RAB3GAP2: variants seen among roughly 807,000 people sequenced by gnomAD.
RAB3GAP2 encodes RAB3 GTPase activating non-catalytic protein subunit 2, also known as rab3 GTPase-activating protein non-catalytic subunit.
RAB3GAP2 carries 87 observed loss-of-function variants against 185.3 expected under a neutral mutation model. That is an observed-to-expected ratio of 0.47 (90% CI 0.39 to 0.56). The LOEUF (loss-of-function observed/expected upper bound fraction) is 0.56, where lower values mean the gene tolerates loss of function less well. Ranked by LOEUF, RAB3GAP2 falls within the 20% of genes least tolerant of loss-of-function variation. The probability of loss-of-function intolerance (pLI) is 0.00; values close to 1 mark genes in which losing one functional copy is unlikely to be tolerated. For missense variants in RAB3GAP2, 1,492 were observed against 1,638.2 expected (o/e 0.91, Z 1.54); for synonymous variants, 554 against 576.1 (o/e 0.96, Z 0.55).
intron 31 of RAB3GAP2, among the ~76,000 whole-genome samples, chr1:220,155,709 A>G (rs745792014): frequency 6.6e-6 from 1 of 152,102 alleles, no homozygotes; most frequent in Non-Finnish European, 1.5e-5. Flanking sequence ...CTAGCCACTC[A>G]ACCATACTAG....
chr1:220,174,458 G>C (rs2102860784), intron 21 of RAB3GAP2, among the ~76,000 whole-genome samples: 1 of 152,210 alleles, frequency 6.6e-6, no homozygotes, highest in African/African-American at 2.4e-5. Context: ...TTTGATACAG[G>C]CATGCAACAT....
At position 220,162,622 on chromosome 1, in the gene RAB3GAP2, T is replaced by C. The variant is rs374055868; in HGVS notation, c.3155-354A>G. Among the ~76,000 whole-genome samples the C allele has an allele frequency of 9.9e-5, 15 of 152,276 alleles. No homozygotes were observed. The South Asian group carries it at 2.9e-3, about 29-fold the overall frequency. ...ATAATACCAAGTATTAGTGAGGATATGGAACAAATGGAACACTCATGCATT... is the reference window on the plus strand; with the variant it reads ...ATAATACCAAGTATTAGTGAGGATACGGAACAAATGGAACACTCATGCATT... On this transcript the variant is annotated intron_variant, in intron 27 of 34. Transcript: ENST00000358951.
In RAB3GAP2 at chr1:220,210,806, T is replaced by C. The variant is rs1001066103; in HGVS notation, c.505A>G (p.Thr169Ala). The change falls in exon 6 of 35, where the codon ACT becomes GCT. Residue 169 changes from threonine to alanine, a missense_variant. Coordinates refer to ENST00000358951, the MANE Select transcript of RAB3GAP2 (RefSeq NM_012414.4). ...CTGTTGAAAACTCAACTCACCTCAG[T>C]GTAGAAGCGTACATAACCTGAAGTA... ...GFTSGYVRFY[T>A]ENGVLLLAQL... The C allele has an allele frequency of 1.2e-6, 2 of 1,612,776 alleles. No individual in the cohort carries two copies. The highest frequency in any genetic ancestry group is 1.7e-6 in the Non-Finnish European group (2 of 1,179,350).
intron 27 of RAB3GAP2, 152 bp downstream of exon 27, chr1:220,164,581 C>T (rs1490789358): frequency 1.8e-6 from 2 of 1,094,778 alleles, no homozygotes; most frequent in Non-Finnish European, 2.6e-6. Context: ...CTCAAGAGAC[C>T]CTTGCACCTC....
chr1:220,184,914 G>GA (rs1436429411), intron 18 of RAB3GAP2, among the ~76,000 whole-genome samples: 3 of 151,830 alleles, frequency 2.0e-5, no homozygotes, highest in African/African-American at 7.3e-5. Flanking sequence ...AAAAAAGGTT[G>GA]AAAAAGAGTC....
intron 21 of RAB3GAP2, among the ~76,000 whole-genome samples, chr1:220,179,005 TA>T (rs1658348506): frequency 6.6e-6 from 1 of 152,070 alleles, no homozygotes; most frequent in Admixed American, 6.5e-5. Flanking sequence ...ACTTCACCTA[TA>T]AAGGCTAACA....
intron 21 of RAB3GAP2, among the ~76,000 whole-genome samples, chr1:220,180,570 C>T (rs1377155614): frequency 7.9e-5 from 12 of 152,102 alleles, no homozygotes; most frequent in Non-Finnish European, 5.9e-5. Context: ...TAATGGGTAA[C>T]GAGATGGAAG....
At chr1:220,188,671 A>G (rs1230592228) in intron 17 of RAB3GAP2, among the ~76,000 whole-genome samples, 7 of 152,216 alleles carry the variant, frequency 4.6e-5, no homozygotes, top group Admixed American at 4.6e-4. Context: ...CTCACACCCT[A>G]GCAATTCCAC....
In RAB3GAP2 at chr1:220,272,416, A is replaced by G. The variant is rs1178128368; in HGVS notation, c.-79T>C. On this transcript the variant is annotated 5_prime_UTR_variant, in exon 1 of 35. Transcript: ENST00000358951. ...CTCCACCCCACTGCGGCCGCCACCG[A>G]GCCCCAATAGCTCTAGCCAAGCAGA... 4 of 918,858 alleles carry G rather than the reference A, an allele frequency of 4.4e-6. No individual in the cohort carries two copies. Among genetic ancestry groups the G allele is most frequent in the East Asian group, 5.3e-5 (2 of 37,996 alleles). 56.9% of individuals were successfully genotyped at this position (918,858 alleles called of 1,614,324 possible).
At chr1:220,223,737 C>G (rs1042015438) in intron 2 of RAB3GAP2, among the ~76,000 whole-genome samples, 1 of 151,386 alleles carries the variant, frequency 6.6e-6, no homozygotes, top group Non-Finnish European at 1.5e-5. Context: ...TAATAAGCAA[C>G]TGGCTCAGAG....
chr1:220,202,258 T>C lies in RAB3GAP2; in HGVS notation c.811+18A>G. 1 of 1,609,370 alleles carries C rather than the reference T, an allele frequency of 6.2e-7. No individual in the cohort carries two copies. Among genetic ancestry groups the C allele is most frequent in the Non-Finnish European group, 8.5e-7 (1 of 1,177,830 alleles). On this transcript the variant is annotated intron_variant, in intron 9 of 34. Coordinates refer to ENST00000358951, the MANE Select transcript of RAB3GAP2 (RefSeq NM_012414.4). ...GTAAGAAGTAAATTCCAAGAGAATT[T>C]GAATTAGTAATACTTACCAACACTA...
chr1:220,191,106 T>A lies in RAB3GAP2; in HGVS notation c.1449A>T (p.Gly483=). ...CCACATTGAAAGCTCCTACTCTAGGTCCCTGCTGTGTGCTCCACACTTCTA... is the reference window on the plus strand; with the variant it reads ...CCACATTGAAAGCTCCTACTCTAGGACCCTGCTGTGTGCTCCACACTTCTA... ...GILEVWSTQQ[G]PRVGAFNVGK... is the part of the protein sequence containing the mutation. The change falls in exon 14 of 35, where the codon GGA becomes GGT. Residue 483 remains glycine (G), a synonymous_variant. Transcript: ENST00000358951. 8 of 1,614,036 alleles carry A rather than the reference T, an allele frequency of 5.0e-6. No individual in the cohort carries two copies. The highest frequency in any genetic ancestry group is 6.8e-6 in the Non-Finnish European group (8 of 1,179,966).
intron 1 of RAB3GAP2, among the ~76,000 whole-genome samples, chr1:220,261,796 G>A (rs1436808363): frequency 1.3e-5 from 2 of 152,054 alleles, no homozygotes; most frequent in Non-Finnish European, 2.9e-5. Context: ...GCTACCCTCT[G>A]CCCATAGCAG....
chr1:220,205,892 T>C lies in RAB3GAP2; in HGVS notation c.712+15A>G, dbSNP rs756315584. 4 of 1,529,002 alleles carry C rather than the reference T, an allele frequency of 2.6e-6. No individual in the cohort carries two copies. The highest frequency in any genetic ancestry group is 3.6e-6 in the Non-Finnish European group (4 of 1,103,662). The allele number at this position is 1,529,002 out of a possible 1,614,324, so 94.7% of individuals were successfully genotyped here. ...AACATTAACAGAGGTTAAATATTTC[T>C]TGCCAAAATATTACCTTTTGCTACC... is the stretch of plus-strand genomic sequence containing the variant. On this transcript the variant is annotated intron_variant, in intron 8 of 34. Coordinates refer to ENST00000358951, the MANE Select transcript of RAB3GAP2 (RefSeq NM_012414.4).
In RAB3GAP2 at chr1:220,213,756, A is replaced by G. The variant is rs1487580067; in HGVS notation, c.304+100T>C. 10 of 1,254,802 alleles carry G rather than the reference A, an allele frequency of 8.0e-6. No individual in the cohort carries two copies. The African/African-American group carries it at 9.3e-5, about 12-fold the overall frequency. The allele number at this position is 1,254,802 out of a possible 1,614,324, so 77.7% of individuals were successfully genotyped here. A position where few individuals can be genotyped will look rare whatever the true frequency, so the allele number is the denominator to read the frequency against. ...TTGGGGGGGGGGGGAGAGAGAGAGA[A>G]ATAAATAAATAAAAAGCATTATATT... On this transcript the variant is annotated intron_variant, in intron 3 of 34. Coordinates refer to ENST00000358951, the MANE Select transcript of RAB3GAP2 (RefSeq NM_012414.4).
At chr1:220,221,662 C>G (rs1040843866) in intron 2 of RAB3GAP2, among the ~76,000 whole-genome samples, 3 of 152,120 alleles carry the variant, frequency 2.0e-5, no homozygotes, top group Non-Finnish European at 4.4e-5. Flanking sequence ...TACAAAAATA[C>G]AGAAGCCACT....
In RAB3GAP2 at chr1:220,172,638, T is replaced by G; in HGVS notation, c.2415A>C (p.Lys805Asn). 2.5e-6 allele frequency: 4 copies of G among 1,600,808 alleles called. No individual in the cohort carries two copies. The highest frequency in any genetic ancestry group is 3.4e-6 in the Non-Finnish European group (4 of 1,167,802). Residue 805 changes from lysine to asparagine, a missense_variant and splice_region_variant, in exon 22 of 35, where the codon AAA becomes AAC. Physicochemically the swap from Lys to Asn is moderately conservative, Grantham distance 94. This residue lies in a region of RAB3GAP2 where 681 missense variants were observed against 689.1 expected (regional missense o/e 0.99). Coordinates refer to ENST00000358951, the MANE Select transcript of RAB3GAP2 (RefSeq NM_012414.4). ...ACGAGAGCAACAAACTTTGTTTACC[T>G]TTCATCTTGCTCAGGAGGGACAGCA... Reference protein sequence around the residue: ...HTMLSLLSKMKVAIDETWDSQ... With the variant: ...HTMLSLLSKMNVAIDETWDSQ...
At chr1:220,197,894 T>C (rs1201699619) in intron 9 of RAB3GAP2, among the ~76,000 whole-genome samples, 1 of 152,192 alleles carries the variant, frequency 6.6e-6, no homozygotes, top group Non-Finnish European at 1.5e-5. Context: ...TGTCACACTT[T>C]AGATCCTGTC....
intron 2 of RAB3GAP2, among the ~76,000 whole-genome samples, 185 bp downstream of exon 2, chr1:220,232,614 C>T (rs1003949134): frequency 6.6e-6 from 1 of 152,170 alleles, no homozygotes; most frequent in East Asian, 1.9e-4. Context: ...AACGAAGACA[C>T]CCGCTTTAGC....
Sources: allele counts gnomAD v4.1 joint callset (sites outside exome capture counted in the v4.1 genomes callset), GRCh38; gene constraint gnomAD v4.1.1; regional missense constraint gnomAD v4.1.1; transcripts MANE v1.5; gene names NCBI Gene and HGNC (gene_info 2026-07-23, HGNC 2026-07-21).